CACNA2D3: variants seen among roughly 807,000 people sequenced by gnomAD.
The protein encoded by CACNA2D3 is voltage-dependent calcium channel subunit alpha-2/delta-3.
Under a neutral mutation model 160.6 loss-of-function variants are expected in CACNA2D3, and 60 were observed. The observed-to-expected ratio is 0.37, with a 90% CI of 0.30 to 0.46. CACNA2D3 has a LOEUF of 0.46. Among genes scored for constraint, CACNA2D3 ranks in the 20% least tolerant of loss-of-function variants. The pLI, the probability that CACNA2D3 is intolerant of heterozygous loss-of-function variation, is 1.00. For missense variants in CACNA2D3, 1,205 were observed against 1,365.0 expected, an observed-to-expected ratio of 0.88 and a Z score of 1.85; for synonymous variants, 558 against 492.9, an observed-to-expected ratio of 1.13 and a Z score of -1.75.
chr3:54,451,229 C>CTTATTTTTTTT (rs1700301803), intron 4 of CACNA2D3, among the ~76,000 whole-genome samples: 2 of 51,732 alleles, frequency 3.9e-5, no homozygotes, highest in African/African-American at 1.7e-4. Flanking sequence ...ATATAATAAT[C>CTTATTTTTTTT]TTTTTTTTTT....
intron 11 of CACNA2D3, among the ~76,000 whole-genome samples, chr3:54,645,106 C>A (rs937420547): frequency 1.3e-5 from 2 of 152,194 alleles, no homozygotes; most frequent in African/African-American, 4.8e-5. Context: ...AATTGACTCA[C>A]AATTGTGCAT....
At chr3:54,203,876 CAG>C (rs1553753368) in intron 2 of CACNA2D3, among the ~76,000 whole-genome samples, 5 of 151,896 alleles carry the variant, frequency 3.3e-5, no homozygotes, top group Admixed American at 6.6e-5. Context: ...AGGCCCATGA[CAG>C]GGGTATGGCG....
At chr3:54,424,318 C>T (rs1699882054) in intron 4 of CACNA2D3, among the ~76,000 whole-genome samples, 1 of 152,152 alleles carries the variant, frequency 6.6e-6, no homozygotes, top group Non-Finnish European at 1.5e-5. Flanking sequence ...GCTCCTAGCT[C>T]CTGGTTCCAT....
chr3:54,543,673 G>A (rs60447533), intron 5 of CACNA2D3, among the ~76,000 whole-genome samples: 45,906 of 152,068 alleles, frequency 0.3, 7,106 homozygotes, highest in Non-Finnish European at 0.34. Context: ...GTCCTGTCAG[G>A]CTAGAGGACC....
chr3:54,283,197 CAG>C (rs1203425040), intron 2 of CACNA2D3, among the ~76,000 whole-genome samples: 1 of 152,126 alleles, frequency 6.6e-6, no homozygotes, highest in African/African-American at 2.4e-5. Flanking sequence ...AAGGTGGTGT[CAG>C]TGAAGCAGAA....
chr3:54,226,633 C>T (rs2107385648), intron 2 of CACNA2D3, among the ~76,000 whole-genome samples: 1 of 152,100 alleles, frequency 6.6e-6, no homozygotes, highest in South Asian at 2.1e-4. Flanking sequence ...GATATTTGCC[C>T]CTTGATTCCT....
intron 9 of CACNA2D3, among the ~76,000 whole-genome samples, chr3:54,609,539 G>A (rs1196032529): frequency 6.6e-6 from 1 of 152,076 alleles, no homozygotes; most frequent in African/African-American, 2.4e-5. Context: ...CTTTTTTATT[G>A]GCAAAGCAGG....
chr3:54,602,838 C>T lies in CACNA2D3; in HGVS notation c.963+20961C>T, dbSNP rs150388144. On this transcript the variant is annotated intron_variant, in intron 9 of 37. Coordinates refer to ENST00000474759, the MANE Select transcript of CACNA2D3 (RefSeq NM_018398.3). ...CAATTTGTTTCCACTTCATTTGCAA[C>T]GGCGTGAAAGTTTATCTGACCACTG... Among the ~76,000 whole-genome samples the T allele has an allele frequency of 1.9e-3, 290 of 152,222 alleles. 2 individuals carry two copies. Among genetic ancestry groups the T allele is most frequent in the Middle Eastern group, 6.8e-3 (2 of 294 alleles).
At chr3:54,359,744 A>AAGCTGG (rs1331182234) in intron 3 of CACNA2D3, among the ~76,000 whole-genome samples, 3 of 152,206 alleles carry the variant, frequency 2.0e-5, no homozygotes, top group African/African-American at 4.8e-5. Context: ...GTTGAAGCTG[A>AAGCTGG]AGCTGGCACT....
At chr3:54,463,009 G>C (rs1700537180) in intron 4 of CACNA2D3, among the ~76,000 whole-genome samples, 1 of 151,276 alleles carries the variant, frequency 6.6e-6, no homozygotes, top group African/African-American at 2.4e-5. Flanking sequence ...TGTCTTTAAA[G>C]TATTTTATTT....
At chr3:54,726,789 A>C (rs921989856) in intron 11 of CACNA2D3, among the ~76,000 whole-genome samples, 1 of 152,206 alleles carries the variant, frequency 6.6e-6, no homozygotes, top group African/African-American at 2.4e-5. Context: ...ACTTAAACGT[A>C]AAACCTAGAA....
intron 11 of CACNA2D3, among the ~76,000 whole-genome samples, chr3:54,689,022 G>T (rs1700521366): frequency 8.7e-6 from 1 of 115,218 alleles, no homozygotes; most frequent in South Asian, 3.1e-4. Flanking sequence ...GAATGAGGTT[G>T]TATACATAAA....
chr3:55,011,566 TA>T (rs553045172), intron 34 of CACNA2D3, among the ~76,000 whole-genome samples: 1 of 152,016 alleles, frequency 6.6e-6, no homozygotes, highest in African/African-American at 2.4e-5. Flanking sequence ...TTGATGAAAT[TA>T]AAAAAATGCT....
At chr3:55,016,124 A>C (rs528756390) in intron 34 of CACNA2D3, among the ~76,000 whole-genome samples, 1 of 152,154 alleles carries the variant, frequency 6.6e-6, no homozygotes, top group African/African-American at 2.4e-5. Flanking sequence ...GGACAGAGGG[A>C]TAGTGTCTGA....
chr3:54,145,915 A>G (rs1443335760), intron 2 of CACNA2D3, among the ~76,000 whole-genome samples: 2 of 151,928 alleles, frequency 1.3e-5, no homozygotes, highest in East Asian at 1.9e-4. Flanking sequence ...ATCTTTCTGC[A>G]CTGCATTTTG....
intron 13 of CACNA2D3, among the ~76,000 whole-genome samples, chr3:54,801,043 G>T (rs909904021): frequency 1.3e-5 from 2 of 150,644 alleles, no homozygotes; most frequent in African/African-American, 4.9e-5. Context: ...CTGGAGTGCA[G>T]TGGTATGATC....
At chr3:54,571,892 T>C (rs13318684) in intron 8 of CACNA2D3, among the ~76,000 whole-genome samples, 40,663 of 152,062 alleles carry the variant, frequency 0.27, 5,944 homozygotes, top group Middle Eastern at 0.42. Flanking sequence ...GCCCACAGGG[T>C]TGCTGCTGGG....
At chr3:54,852,911 G>GT (rs542895802) in intron 17 of CACNA2D3, among the ~76,000 whole-genome samples, 30 of 152,278 alleles carry the variant, frequency 2.0e-4, no homozygotes, top group African/African-American at 7.0e-4. Context: ...GCCATAGGAA[G>GT]AGATTCTGTA....
intron 11 of CACNA2D3, among the ~76,000 whole-genome samples, chr3:54,688,766 G>T (rs1434798785): frequency 6.6e-6 from 1 of 150,600 alleles, no homozygotes; most frequent in East Asian, 2.0e-4. Flanking sequence ...AGTTTGGGAG[G>T]CCAAGGTGGG....
Sources: gnomAD v4.1 joint callset for allele counts (sites outside exome capture counted in the v4.1 genomes callset) on GRCh38, gnomAD v4.1.1 for gene constraint, MANE v1.5 for transcripts, NCBI Gene and HGNC (gene_info 2026-07-23, HGNC 2026-07-21) for gene names.